ANK3: variants seen among roughly 807,000 people sequenced by gnomAD.
The protein encoded by ANK3 is ankyrin-3.
A neutral mutation model predicts 370.9 loss-of-function variants in ANK3; 57 were observed. That is an observed-to-expected ratio of 0.15 (90% CI 0.12 to 0.19). ANK3 has a LOEUF of 0.19. Among genes scored for constraint, ANK3 ranks in the 10% least tolerant of loss-of-function variants. ANK3 has a pLI of 1.00. For synonymous variants in ANK3, 1,929 were observed against 1,946.3 expected (o/e 0.99, Z 0.23); for missense variants, 4,439 against 5,302.1 (o/e 0.84, Z 5.06).
At chr10:60,260,473 T>A (rs2097787712) in intron 7 of ANK3, among the ~76,000 whole-genome samples, 2 of 152,160 alleles carry the variant, frequency 1.3e-5, no homozygotes, top group African/African-American at 4.8e-5. Context: ...AAGTGAGGGT[T>A]CAGCAAAAAA....
chr10:60,390,759 CACACACAA>C (rs1427292331), upstream of ANK3, among the ~76,000 whole-genome samples: 2,362 of 92,246 alleles, frequency 0.026, 43 homozygotes, highest in Non-Finnish European at 0.036. Flanking sequence ...CACACACACA[CACACACAA>C]ACAACAATTT....
intron 2 of ANK3, among the ~76,000 whole-genome samples, chr10:60,496,552 CTT>C (rs796462894): frequency 1.4e-5 from 2 of 146,844 alleles, no homozygotes; most frequent in Non-Finnish European, 3.0e-5. Context: ...TTAATCTGCT[CTT>C]TTTTTTTTTC....
intron 1 of ANK3, among the ~76,000 whole-genome samples, chr10:60,619,591 C>T (rs1481458643): frequency 6.6e-6 from 1 of 152,176 alleles, no homozygotes; most frequent in Non-Finnish European, 1.5e-5. Context: ...ATGGAAAGCA[C>T]AATCATGTGC....
At chr10:60,443,849 C>T (rs960218915) in intron 2 of ANK3, among the ~76,000 whole-genome samples, 22 of 152,038 alleles carry the variant, frequency 1.4e-4, no homozygotes, top group Admixed American at 1.3e-4. Flanking sequence ...CAAACATTTC[C>T]TGATCCTCTG....
At chr10:60,449,441 C>T (rs1172813541) in intron 2 of ANK3, among the ~76,000 whole-genome samples, 2 of 152,124 alleles carry the variant, frequency 1.3e-5, no homozygotes, top group East Asian at 1.9e-4. Flanking sequence ...AGTAGCCATA[C>T]GTAGCCAGTG....
chr10:60,051,497 A>T, intron 42 of ANK3: 1 of 985,528 alleles, frequency 1.0e-6, no homozygotes, highest in Non-Finnish European at 1.2e-6. Context: ...ACGCCGGCGA[A>T]TAACTCGGGT....
Position 60,132,354 on chromosome 10 carries a change from T to A in ANK3, c.2841+1917A>T, listed in dbSNP as rs777076460. ...GACCTGGTGGGAGGTAATTGAATCA[T>A]AGGGGCAGGTATTTCCCGTGCTGTT... On this transcript the variant is annotated intron_variant, in intron 25 of 43. Transcript: ENST00000280772. Among the ~76,000 whole-genome samples, 194 of 152,240 alleles carry A rather than the reference T, an allele frequency of 1.3e-3. 1 individual carries two copies. The highest frequency in any genetic ancestry group is 3.5e-4 in the Non-Finnish European group (24 of 67,998).
chr10:60,684,994 T>C, intron 1 of ANK3: 1 of 1,554,724 alleles, frequency 6.4e-7, no homozygotes, highest in Admixed American at 1.7e-5. Context: ...TCCTTGGCAT[T>C]TGCAGCCTAC....
intron 43 of ANK3, among the ~76,000 whole-genome samples, chr10:60,032,191 C>CTTATTTTTTTTT: frequency 1.7e-5 from 1 of 57,952 alleles, no homozygotes; most frequent in East Asian, 2.8e-4. Flanking sequence ...AAATACACAG[C>CTTATTTTTTTTT]TTCTTTTTTT....
chr10:60,695,750 C>A (rs971143730), intron 1 of ANK3, among the ~76,000 whole-genome samples: 3 of 152,176 alleles, frequency 2.0e-5, no homozygotes, highest in African/African-American at 7.2e-5. Flanking sequence ...GCATTCAAAG[C>A]AGTGTGTAGA....
At chr10:60,715,075 G>C (rs2079763017) in intron 1 of ANK3, among the ~76,000 whole-genome samples, 1 of 151,998 alleles carries the variant, frequency 6.6e-6, no homozygotes, top group South Asian at 2.1e-4. Flanking sequence ...ACCATGTATG[G>C]GGTTAGGGGA....
chr10:60,450,157 A>G (rs1426482964), intron 2 of ANK3, among the ~76,000 whole-genome samples: 2 of 152,066 alleles, frequency 1.3e-5, no homozygotes, highest in Admixed American at 6.6e-5. Context: ...TTAGCTGGTC[A>G]TGGTGAAGTG....
intron 23 of ANK3, among the ~76,000 whole-genome samples, chr10:60,141,559 C>CTTTTTTTTTTTT (rs2094555559): frequency 1.6e-5 from 1 of 61,156 alleles, no homozygotes; most frequent in African/African-American, 7.9e-5. Flanking sequence ...ATTTCAATTG[C>CTTTTTTTTTTTT]TGTTTTTTTT....
intron 2 of ANK3, among the ~76,000 whole-genome samples, chr10:60,413,878 T>A (rs935331841): frequency 1.3e-5 from 2 of 152,104 alleles, no homozygotes; most frequent in African/African-American, 4.8e-5. Context: ...TTGTTTGCAG[T>A]CCCAGCAACT....
intron 2 of ANK3, among the ~76,000 whole-genome samples, chr10:60,428,483 G>C (rs1411732293): frequency 2.6e-5 from 4 of 152,176 alleles, no homozygotes; most frequent in African/African-American, 9.6e-5. Flanking sequence ...ATTGTTCATG[G>C]TTATTTTTTA....
chr10:60,089,910 G>T (rs1019612195), intron 28 of ANK3, among the ~76,000 whole-genome samples: 1 of 151,900 alleles, frequency 6.6e-6, no homozygotes, highest in South Asian at 2.1e-4. Flanking sequence ...AGAGAAAGAT[G>T]ATTTATTTAA....
At chr10:60,426,409 T>A (rs2063888884) in intron 2 of ANK3, among the ~76,000 whole-genome samples, 1 of 152,130 alleles carries the variant, frequency 6.6e-6, no homozygotes, top group Non-Finnish European at 1.5e-5. Flanking sequence ...GCCTCCTGTG[T>A]TTCTTTCTCA....
chr10:60,081,970 C>G (rs1564871929), intron 35 of ANK3, 180 bp downstream of exon 35: 1 of 456,598 alleles, frequency 2.2e-6, no homozygotes. Context: ...TTTAAGTACT[C>G]TTAAGTACGT....
At chr10:60,326,241 A>C (rs10994305) in intron 1 of ANK3, among the ~76,000 whole-genome samples, 111,057 of 151,834 alleles carry the variant, frequency 0.73, 40,711 homozygotes, top group South Asian at 0.91. Flanking sequence ...ACAAGTTTAC[A>C]TATATAACAC....
Sources: allele counts gnomAD v4.1 joint callset (sites outside exome capture counted in the v4.1 genomes callset), GRCh38; gene constraint gnomAD v4.1.1; transcripts MANE v1.5; gene names NCBI Gene and HGNC (gene_info 2026-07-23, HGNC 2026-07-21).